Variants in KAT7 observed in about 807,000 individuals in gnomAD.
The protein encoded by KAT7 is lysine acetyltransferase 7.
Under a neutral mutation model 82.1 loss-of-function variants are expected in KAT7, and 10 were observed. The ratio of observed to expected loss-of-function variants is 0.12; its 90% CI spans 0.08 to 0.21. The LOEUF (loss-of-function observed/expected upper bound fraction) is 0.21, where lower values mean the gene tolerates loss of function less well. Ranked by LOEUF, KAT7 falls within the 10% of genes least tolerant of loss-of-function variation. KAT7 has a pLI of 1.00. For missense variants in KAT7, 378 were observed against 760.9 expected (o/e 0.50, Z 5.92); for synonymous variants, 250 against 262.5 (o/e 0.95, Z 0.46).
At chr17:49,816,794 T>C (rs2074240174) in intron 8 of KAT7, among the ~76,000 whole-genome samples, 1 of 152,104 alleles carries the variant, frequency 6.6e-6, no homozygotes, top group Non-Finnish European at 1.5e-5. Flanking sequence ...TCAGAGCCAC[T>C]GAATGGAGAT....
chr17:49,824,275 T>C (rs2074340828), intron 12 of KAT7, among the ~76,000 whole-genome samples: 1 of 152,232 alleles, frequency 6.6e-6, no homozygotes, highest in Non-Finnish European at 1.5e-5. Flanking sequence ...TGTGTTATTC[T>C]ATATTTGATG....
chr17:49,798,789 TC>T (rs3214720), intron 4 of KAT7, among the ~76,000 whole-genome samples: 58,648 of 152,018 alleles, frequency 0.39, 13,832 homozygotes, highest in East Asian at 0.67. Context: ...ATTCAGTTTA[TC>T]CTAGAGCTTT....
intron 6 of KAT7, 132 bp from the exon 7 acceptor site, chr17:49,811,344 T>TGGTC (rs1598073081): frequency 2.2e-6 from 1 of 445,492 alleles, no homozygotes; most frequent in African/African-American, 2.0e-5. Context: ...TGATCTCAGG[T>TGGTC]GGTCTGCCTG....
In KAT7 at chr17:49,796,888, G is replaced by A. The variant is rs2073963389; in HGVS notation, c.302G>A (p.Gly101Asp). ...KYPLRQTRSS[G>D]SETEQVVDFS... ...CCTCTTCGGCAGACTCGTTCATCTGGTTCAGAAACTGAGCAAGTGGTTGAT... is the reference window on the plus strand; with the variant it reads ...CCTCTTCGGCAGACTCGTTCATCTGATTCAGAAACTGAGCAAGTGGTTGAT... The change falls in exon 3 of 15, where the codon GGT becomes GAT. Residue 101 changes from glycine to aspartate, a missense_variant. Coordinates refer to ENST00000259021, the MANE Select transcript of KAT7 (RefSeq NM_007067.5). The A allele has an allele frequency of 6.2e-7, 1 of 1,614,064 alleles. No individual in the cohort carries two copies. Among genetic ancestry groups the A allele is most frequent in the South Asian group, 1.1e-5 (1 of 91,084 alleles).
At position 49,828,361 on chromosome 17, in the gene KAT7, A is replaced by G. The variant is rs1309708557; in HGVS notation, c.*859A>G. On this transcript the variant is annotated 3_prime_UTR_variant, in exon 15 of 15. Coordinates refer to ENST00000259021, the MANE Select transcript of KAT7 (RefSeq NM_007067.5). The stretch of plus-strand genomic sequence containing the variant: ...TGTCCACTTTTCCCTTTCATGCTGC[A>G]TATTAACTGGTTAATTATACTGCAG... 1.8e-4 allele frequency: 28 copies of G among 152,172 alleles called. No homozygotes were observed. The highest frequency in any genetic ancestry group is 1.8e-3 in the Admixed American group (28 of 15,266). The allele number at this position is 152,172 out of a possible 1,614,324, so 9.4% of individuals were successfully genotyped here. A position where few individuals can be genotyped will look rare whatever the true frequency, so the allele number is the denominator to read the frequency against.
chr17:49,822,039 G>A (rs752803770), intron 11 of KAT7, among the ~76,000 whole-genome samples: 7 of 151,932 alleles, frequency 4.6e-5, no homozygotes, highest in Non-Finnish European at 8.8e-5. Flanking sequence ...ATTAATAACT[G>A]GCCAGAGCCC....
At chr17:49,821,234 G>A in intron 9 of KAT7, 103 bp from the exon 10 acceptor site, 1 of 762,796 alleles carries the variant, frequency 1.3e-6, no homozygotes, top group Non-Finnish European at 2.2e-6. Flanking sequence ...CAACTGTCCG[G>A]TAGCTCAGTT....
intron 7 of KAT7, 127 bp from the exon 8 acceptor site, chr17:49,815,676 C>G: frequency 1.6e-6 from 1 of 633,494 alleles, no homozygotes; most frequent in Non-Finnish European, 2.8e-6. Flanking sequence ...CAATCCCTAG[C>G]ACCTAGTATG....
chr17:49,811,454 GT>G (rs1249332857), intron 6 of KAT7, 21 bp from the exon 7 acceptor site: 4 of 1,259,594 alleles, frequency 3.2e-6, no homozygotes, highest in Non-Finnish European at 4.4e-6. Context: ...TTTTCTCTCA[GT>G]TTTCTCCTTT....
At chr17:49,817,240 A>C (rs1340764730) in intron 8 of KAT7, among the ~76,000 whole-genome samples, 1 of 152,196 alleles carries the variant, frequency 6.6e-6, no homozygotes, top group African/African-American at 2.4e-5. Context: ...TAGGCTGATA[A>C]AAATGAAGTT....
chr17:49,821,528 C>A, intron 10 of KAT7, 102 bp downstream of exon 10: 1 of 1,496,756 alleles, frequency 6.7e-7, no homozygotes, highest in Non-Finnish European at 9.3e-7. Context: ...GGACATAGAA[C>A]TCTTCTCTTG....
At chr17:49,820,375 C>T (rs1003606074) in intron 9 of KAT7, among the ~76,000 whole-genome samples, 1 of 151,932 alleles carries the variant, frequency 6.6e-6, no homozygotes, top group Non-Finnish European at 1.5e-5. Flanking sequence ...GCAGCCTCCA[C>T]CTCCCGGATT....
intron 2 of KAT7, chr17:49,795,741 T>C: frequency 4.4e-6 from 1 of 226,052 alleles, no homozygotes; most frequent in South Asian, 8.2e-5. Flanking sequence ...TGGTTTTTAC[T>C]TTTGGCCACA....
chr17:49,788,970 A>G, intron 1 of KAT7, 121 bp downstream of exon 1: 1 of 927,018 alleles, frequency 1.1e-6, no homozygotes, highest in Non-Finnish European at 1.6e-6. Flanking sequence ...AACCTTGTTC[A>G]GCTACCCTCT....
intron 5 of KAT7, among the ~76,000 whole-genome samples, chr17:49,807,059 G>A (rs2074100305): frequency 6.6e-6 from 1 of 152,178 alleles, no homozygotes; most frequent in Admixed American, 6.5e-5. Context: ...TGCGATCAGT[G>A]ATGTTACATT....
At chr17:49,819,785 G>T (rs1299541147) in intron 9 of KAT7, among the ~76,000 whole-genome samples, 1 of 152,184 alleles carries the variant, frequency 6.6e-6, no homozygotes, top group Non-Finnish European at 1.5e-5. Flanking sequence ...ATTGTTACAT[G>T]AGTTTGGTTA....
At position 49,831,559 on chromosome 17, in the gene KAT7, C is replaced by G. The variant is rs2074425042; in HGVS notation, c.*4057C>G. ...GCAATAGAATGAGAGAGCCTTGCTT[C>G]CCTGAGTCCAAATCCCATACTTTTG... On this transcript the variant is annotated 3_prime_UTR_variant, in exon 15 of 15. Transcript: ENST00000259021. 6.6e-6 allele frequency: 1 copy of G among 152,178 alleles called. No individual in the cohort carries two copies. 9.4% of individuals were successfully genotyped at this position (152,178 alleles called of 1,614,324 possible). A position where few individuals can be genotyped will look rare whatever the true frequency, so the allele number is the denominator to read the frequency against.
intron 6 of KAT7, among the ~76,000 whole-genome samples, chr17:49,810,265 T>C (rs2074145535): frequency 6.6e-6 from 1 of 152,202 alleles, no homozygotes; most frequent in African/African-American, 2.4e-5. Flanking sequence ...ATTTAATTTA[T>C]TTATTTTTTA....
chr17:49,793,500 C>T lies in KAT7; in HGVS notation c.163+1467C>T, dbSNP rs116185387. On this transcript the variant is annotated intron_variant, in intron 2 of 14. Coordinates refer to ENST00000259021, the MANE Select transcript of KAT7 (RefSeq NM_007067.5). ...GCAGCTAATACAGAAAGCCGATGATCAACAGGTGATAATAGATGAAGGGAA... is the reference window on the plus strand; with the variant it reads ...GCAGCTAATACAGAAAGCCGATGATTAACAGGTGATAATAGATGAAGGGAA... Among the ~76,000 whole-genome samples, 753 of 150,706 alleles carry T rather than the reference C, an allele frequency of 5.0e-3. 9 individuals are homozygous for T. Among genetic ancestry groups the T allele is most frequent in the African/African-American group, 0.018 (723 of 41,048 alleles).
Sources: gnomAD v4.1 joint callset for allele counts (sites outside exome capture counted in the v4.1 genomes callset) on GRCh38, gnomAD v4.1.1 for gene constraint, MANE v1.5 for transcripts, NCBI Gene and HGNC (gene_info 2026-07-23, HGNC 2026-07-21) for gene names.